DCC: variants seen among roughly 807,000 people sequenced by gnomAD.
DCC encodes netrin receptor DCC.
Under a neutral mutation model 172.5 loss-of-function variants are expected in DCC, and 58 were observed. The observed-to-expected ratio is 0.34, with a 90% CI of 0.27 to 0.42. The LOEUF (loss-of-function observed/expected upper bound fraction) is 0.42, where lower values mean the gene tolerates loss of function less well. Ranked by LOEUF, DCC falls within the 10% of genes least tolerant of loss-of-function variation. The probability of loss-of-function intolerance (pLI) is 1.00; values close to 1 mark genes in which losing one functional copy is unlikely to be tolerated. For missense variants in DCC, 1,740 were observed against 1,791.0 expected, an observed-to-expected ratio of 0.97 and a Z score of 0.51; for synonymous variants, 709 against 644.5, an observed-to-expected ratio of 1.10 and a Z score of -1.52.
At chr18:53,287,072 C>A (rs1243861225) in intron 12 of DCC, among the ~76,000 whole-genome samples, 1 of 152,066 alleles carries the variant, frequency 6.6e-6, no homozygotes, top group African/African-American at 2.4e-5. Context: ...ACAACCATCA[C>A]CACATTAATT....
intron 5 of DCC, among the ~76,000 whole-genome samples, chr18:53,042,310 T>C (rs1351880186): frequency 6.6e-6 from 1 of 152,082 alleles, no homozygotes; most frequent in African/African-American, 2.4e-5. Context: ...ATTATGCTTA[T>C]TGATTTGCAT....
chr18:53,522,869 A>G (rs1386245615), intron 27 of DCC, among the ~76,000 whole-genome samples: 1 of 152,178 alleles, frequency 6.6e-6, no homozygotes, highest in Non-Finnish European at 1.5e-5. Flanking sequence ...AGACTTCATG[A>G]TTAAACCACC....
chr18:52,864,191 A>AGTGG (rs1401511606), intron 2 of DCC, among the ~76,000 whole-genome samples: 1 of 152,204 alleles, frequency 6.6e-6, no homozygotes, highest in Non-Finnish European at 1.5e-5. Context: ...AAGTGGAACA[A>AGTGG]CTTAAAATTT....
intron 5 of DCC, among the ~76,000 whole-genome samples, chr18:52,956,372 T>C (rs2145558970): frequency 6.6e-6 from 1 of 152,226 alleles, no homozygotes; most frequent in Middle Eastern, 3.4e-3. Flanking sequence ...TTGACTACAT[T>C]TATTAACTAT....
intron 5 of DCC, among the ~76,000 whole-genome samples, chr18:53,038,068 C>T (rs1468130915): frequency 1.3e-5 from 2 of 152,006 alleles, no homozygotes; most frequent in Admixed American, 1.3e-4. Context: ...GAGATTATTA[C>T]CAATATTTAG....
intron 1 of DCC, among the ~76,000 whole-genome samples, chr18:52,564,758 A>G (rs1309366434): frequency 1.3e-5 from 2 of 151,986 alleles, no homozygotes; most frequent in Non-Finnish European, 2.9e-5. Flanking sequence ...AATACATAAA[A>G]TTTCAAGGAT....
chr18:52,395,103 TC>T (rs1353498936), intron 1 of DCC, among the ~76,000 whole-genome samples: 1 of 151,976 alleles, frequency 6.6e-6, no homozygotes, highest in Non-Finnish European at 1.5e-5. Flanking sequence ...TAGACAACAA[TC>T]CTTTGTGTTT....
rs1192552604 is a variant in DCC, at chr18:52,610,168, AAAAAAAAAAAATATATATATATATATAT to A, written c.92-141884_92-141857del. 9.7e-3 allele frequency among the ~76,000 whole-genome samples: 223 copies of A among 23,048 alleles called. 7 individuals carry two copies. Among genetic ancestry groups the A allele is most frequent in the Non-Finnish European group, 0.013 (175 of 13,140 alleles). The allele number at this position is 23,048 out of a possible 152,430, so 15.1% of individuals were successfully genotyped here. On this transcript the variant is annotated intron_variant, in intron 1 of 28. Coordinates refer to ENST00000442544, the MANE Select transcript of DCC (RefSeq NM_005215.4). Reference sequence around the variant, plus strand: ...ATCTCTCATAAAAAAAAAAAAAAAAAAAAAAAAAAAATATATATATATATATATATATATATATATATATATATATATA... The same window carrying A: ...ATCTCTCATAAAAAAAAAAAAAAAAAATATATATATATATATATATATATA...
chr18:53,268,252 G>A (rs927775117), intron 12 of DCC, among the ~76,000 whole-genome samples: 1 of 151,934 alleles, frequency 6.6e-6, no homozygotes, highest in Non-Finnish European at 1.5e-5. Flanking sequence ...TTACAGATTT[G>A]TCAAAAAATG....
At chr18:53,134,660 A>G (rs1476040834) in intron 7 of DCC, among the ~76,000 whole-genome samples, 1 of 152,022 alleles carries the variant, frequency 6.6e-6, no homozygotes, top group Admixed American at 6.6e-5. Flanking sequence ...TCAGAATTTG[A>G]CTCTGTGGTG....
intron 7 of DCC, among the ~76,000 whole-genome samples, chr18:53,066,381 ATATATATATATATATATG>A (rs1449114993): frequency 4.8e-5 from 3 of 63,010 alleles, no homozygotes; most frequent in Non-Finnish European, 8.3e-5. Flanking sequence ...ATATATATAT[ATATATATATATATATATG>A]TGCATGTGTG....
chr18:52,888,317 A>C (rs546964615), intron 2 of DCC, among the ~76,000 whole-genome samples: 171 of 152,318 alleles, frequency 1.1e-3, no homozygotes, highest in African/African-American at 4.0e-3. Context: ...AGGACAAAAC[A>C]GTATGTGGTC....
intron 2 of DCC, among the ~76,000 whole-genome samples, chr18:52,833,767 C>G (rs1009878011): frequency 2.6e-5 from 4 of 152,138 alleles, no homozygotes; most frequent in Non-Finnish European, 4.4e-5. Context: ...CTTGAGCAGT[C>G]CTCCTGCCTC....
chr18:52,619,266 T>C lies in DCC; in HGVS notation c.92-132788T>C, dbSNP rs550638244. 9.2e-5 allele frequency among the ~76,000 whole-genome samples: 14 copies of C among 152,358 alleles called. 1 individual carries two copies. In the South Asian group the frequency reaches 2.9e-3, roughly 32 times the overall value. The stretch of plus-strand genomic sequence containing the variant: ...GGCCATTCTATTTTGTATAAATATG[T>C]TTGAAAATTTTGTTTAGGAAAGATA... On this transcript the variant is annotated intron_variant, in intron 1 of 28. Coordinates refer to ENST00000442544, the MANE Select transcript of DCC (RefSeq NM_005215.4).
chr18:53,347,111 G>A (rs2057734513), intron 15 of DCC, among the ~76,000 whole-genome samples: 1 of 152,066 alleles, frequency 6.6e-6, no homozygotes, highest in Admixed American at 6.6e-5. Flanking sequence ...TATACTTTTT[G>A]TAAACTGTTT....
intron 1 of DCC, among the ~76,000 whole-genome samples, chr18:52,602,539 A>G (rs1056622331): frequency 2.0e-5 from 3 of 152,030 alleles, no homozygotes; most frequent in African/African-American, 7.2e-5. Flanking sequence ...AAAATAACTC[A>G]TAAGTTTAAT....
chr18:53,149,380 C>T (rs550812858), intron 7 of DCC, among the ~76,000 whole-genome samples: 5 of 152,132 alleles, frequency 3.3e-5, no homozygotes, highest in Non-Finnish European at 7.3e-5. Flanking sequence ...ATTTTGTATC[C>T]ACTTTTAATG....
chr18:52,855,474 G>A (rs1389246241), intron 2 of DCC, among the ~76,000 whole-genome samples: 1 of 152,138 alleles, frequency 6.6e-6, no homozygotes, highest in African/African-American at 2.4e-5. Flanking sequence ...TTGTCGATAA[G>A]GACATGACCG....
intron 2 of DCC, among the ~76,000 whole-genome samples, chr18:52,755,368 A>G (rs1443466314): frequency 6.6e-6 from 1 of 152,210 alleles, no homozygotes; most frequent in Non-Finnish European, 1.5e-5. Context: ...TGAAATGAAG[A>G]AGAGTTCCTT....
Sources: allele counts gnomAD v4.1 joint callset (sites outside exome capture counted in the v4.1 genomes callset), GRCh38; gene constraint gnomAD v4.1.1; transcripts MANE v1.5; gene names NCBI Gene and HGNC (gene_info 2026-07-23, HGNC 2026-07-21).